DLGAP2: variants seen among roughly 807,000 people sequenced by gnomAD.
DLGAP2 encodes the protein disks large-associated protein 2.
In DLGAP2, 26 loss-of-function variants were observed where a neutral mutation model predicts 100.3. The ratio of observed to expected loss-of-function variants is 0.26; its 90% confidence interval spans 0.19 to 0.36. DLGAP2 has a LOEUF of 0.36. Among genes scored for constraint, DLGAP2 ranks in the 10% least tolerant of loss-of-function variants. The pLI, the probability that DLGAP2 is intolerant of heterozygous loss-of-function variation, is 1.00. For synonymous variants in DLGAP2, 886 were observed against 630.1 expected (o/e 1.41, Z -6.08); for missense variants, 1,858 against 1,453.2 (o/e 1.28, Z -4.53).
chr8:1,488,320 C>G (rs774440388), intron 3 of DLGAP2, among the ~76,000 whole-genome samples: 2 of 152,174 alleles, frequency 1.3e-5, no homozygotes, highest in African/African-American at 2.4e-5. Flanking sequence ...GTGGCTCTTC[C>G]ATGGAGGCCA....
intron 1 of DLGAP2, among the ~76,000 whole-genome samples, chr8:836,419 C>T (rs1796877034): frequency 6.6e-6 from 1 of 152,182 alleles, no homozygotes; most frequent in Admixed American, 6.5e-5. Context: ...CTGGATGGGG[C>T]GATGCTCTGT....
intron 2 of DLGAP2, among the ~76,000 whole-genome samples, chr8:914,443 C>A (rs1445850304): frequency 6.6e-6 from 1 of 152,214 alleles, no homozygotes; most frequent in Non-Finnish European, 1.5e-5. Context: ...TTAATTCCTG[C>A]TAGAACAAGG....
chr8:827,678 A>T (rs147658981), intron 1 of DLGAP2, among the ~76,000 whole-genome samples: 2 of 152,344 alleles, frequency 1.3e-5, no homozygotes, highest in East Asian at 3.9e-4. Flanking sequence ...TTCTGGGTCA[A>T]CCCACAATAA....
intron 1 of DLGAP2, among the ~76,000 whole-genome samples, chr8:870,457 C>T (rs1178901740): frequency 6.6e-6 from 1 of 152,120 alleles, no homozygotes; most frequent in Non-Finnish European, 1.5e-5. Flanking sequence ...TCCTTGGCAC[C>T]CCGGCTTGAA....
intron 1 of DLGAP2, among the ~76,000 whole-genome samples, chr8:781,608 G>C (rs1821689179): frequency 6.6e-6 from 1 of 152,138 alleles, no homozygotes; most frequent in Admixed American, 6.5e-5. Flanking sequence ...AGGGGTGGTG[G>C]GGAGCGCTGA....
intron 1 of DLGAP2, among the ~76,000 whole-genome samples, chr8:779,069 A>C (rs923003676): frequency 1.3e-5 from 2 of 152,228 alleles, no homozygotes; most frequent in Non-Finnish European, 2.9e-5. Context: ...CCCGTCAGAA[A>C]AGCGCAGTAT....
intron 2 of DLGAP2, among the ~76,000 whole-genome samples, chr8:1,224,550 A>G (rs559242412): frequency 3.9e-5 from 6 of 152,260 alleles, no homozygotes; most frequent in South Asian, 2.1e-4. Context: ...ATAGAAAAAA[A>G]TCAATGAAAC....
chr8:1,353,404 T>C (rs1407849752), intron 3 of DLGAP2, among the ~76,000 whole-genome samples: 2 of 152,218 alleles, frequency 1.3e-5, no homozygotes, highest in African/African-American at 4.8e-5. Flanking sequence ...TTGCTTTCAG[T>C]ACCATGGTCA....
At chr8:1,616,031 G>A (rs969210294) in intron 6 of DLGAP2, among the ~76,000 whole-genome samples, 9 of 152,194 alleles carry the variant, frequency 5.9e-5, no homozygotes, top group African/African-American at 1.9e-4. Context: ...AGGTCTTAAT[G>A]CCTGACTAGA....
intron 3 of DLGAP2, among the ~76,000 whole-genome samples, chr8:1,477,324 G>C (rs971368651): frequency 3.9e-5 from 6 of 152,184 alleles, no homozygotes; most frequent in Non-Finnish European, 7.3e-5. Context: ...CCATGTTGGT[G>C]GCAGGGCTGT....
chr8:1,583,780 G>T (rs914960846), intron 6 of DLGAP2, among the ~76,000 whole-genome samples: 1 of 152,116 alleles, frequency 6.6e-6, no homozygotes, highest in African/African-American at 2.4e-5. Flanking sequence ...TCACGTCTCA[G>T]CTTTCTGTTT....
At chr8:975,478 C>G (rs1159565906) in intron 2 of DLGAP2, among the ~76,000 whole-genome samples, 1 of 152,178 alleles carries the variant, frequency 6.6e-6, no homozygotes, top group African/African-American at 2.4e-5. Flanking sequence ...TTCTCATAAA[C>G]ATAGATGTGG....
chr8:1,107,068 C>G (rs77341566), intron 2 of DLGAP2, among the ~76,000 whole-genome samples: 69 of 152,294 alleles, frequency 4.5e-4, no homozygotes, highest in African/African-American at 1.6e-3. Context: ...ATTTCCCATT[C>G]TAACAAAATG....
intron 2 of DLGAP2, among the ~76,000 whole-genome samples, chr8:1,157,344 C>T (rs145434395): frequency 3.4e-4 from 52 of 152,242 alleles, no homozygotes; most frequent in East Asian, 9.7e-4. Flanking sequence ...CTTCCAGCGA[C>T]GACGGCCCTC....
At chr8:1,470,748 C>CTCCAGCCT (rs1563168391) in intron 3 of DLGAP2, among the ~76,000 whole-genome samples, 13 of 141,480 alleles carry the variant, frequency 9.2e-5, no homozygotes, top group South Asian at 4.7e-4. Context: ...TCCCCGACTC[C>CTCCAGCCT]TTCCCCGACT....
At chr8:1,001,105 C>G (rs555955356) in intron 2 of DLGAP2, among the ~76,000 whole-genome samples, 30 of 152,358 alleles carry the variant, frequency 2.0e-4, no homozygotes, top group Non-Finnish European at 3.7e-4. Flanking sequence ...TTTCTCCACT[C>G]TCTTCTTTTG....
intron 3 of DLGAP2, among the ~76,000 whole-genome samples, chr8:1,356,008 C>G (rs1194728713): frequency 6.6e-6 from 1 of 152,114 alleles, no homozygotes. Context: ...TGTATTTCCC[C>G]CCTCCCTGCC....
chr8:1,545,402 A>G (rs906851613), intron 4 of DLGAP2, among the ~76,000 whole-genome samples: 1 of 152,202 alleles, frequency 6.6e-6, no homozygotes, highest in Non-Finnish European at 1.5e-5. Flanking sequence ...GTGCATTTAC[A>G]TTCTATTCTG....
chr8:848,443 T>C (rs1179026514), intron 1 of DLGAP2, among the ~76,000 whole-genome samples: 3 of 50,704 alleles, frequency 5.9e-5, no homozygotes, highest in African/African-American at 2.4e-4. Context: ...GTGCGGTGCG[T>C]GTTCCAGTGT....
Sources: gnomAD v4.1 joint callset for allele counts (sites outside exome capture counted in the v4.1 genomes callset) on GRCh38, gnomAD v4.1.1 for gene constraint, MANE v1.5 for transcripts, NCBI Gene and HGNC (gene_info 2026-07-23, HGNC 2026-07-21) for gene names.